Variants in BARX2 observed in about 807,000 individuals in gnomAD.
The protein encoded by BARX2 is homeobox protein BarH-like 2.
A neutral mutation model predicts 25.5 loss-of-function variants in BARX2; 11 were observed. The ratio of observed to expected loss-of-function variants is 0.43; its 90% CI spans 0.27 to 0.71. The LOEUF is 0.71. Ranked by LOEUF, BARX2 falls within the 30% of genes least tolerant of loss-of-function variation. BARX2 has a pLI of 0.19. For missense variants in BARX2, 360 were observed against 359.9 expected, an observed-to-expected ratio of 1.00 and a Z score of 0.00; for synonymous variants, 137 against 149.5, an observed-to-expected ratio of 0.92 and a Z score of 0.61.
chr11:129,421,032 C>T (rs951971989), intron 1 of BARX2, among the ~76,000 whole-genome samples: 4 of 152,130 alleles, frequency 2.6e-5, no homozygotes, highest in Non-Finnish European at 2.9e-5. Context: ...ACGGGGTTGT[C>T]AAGGCCAGAG....
At position 129,436,005 on chromosome 11, in the gene BARX2, T is replaced by C. The variant is rs1040658286; in HGVS notation, c.188-746T>C. Among the ~76,000 whole-genome samples the C allele has an allele frequency of 1.3e-5, 2 of 152,192 alleles. No homozygotes were observed. The highest frequency in any genetic ancestry group is 2.9e-5 in the Non-Finnish European group (2 of 68,034). On this transcript the variant is annotated intron_variant, in intron 1 of 3. Transcript: ENST00000281437. The surrounding 1 kb of genome is among the most constrained non-coding windows in gnomAD (Gnocchi z 4.5). Reference sequence around the variant, plus strand: ...AGCCTGAGAATCCTCCTTAACATAGTGCTGGAGGCGCCAGTCATACCGATC... The same window carrying C: ...AGCCTGAGAATCCTCCTTAACATAGCGCTGGAGGCGCCAGTCATACCGATC...
At chr11:129,414,026 A>C in intron 1 of BARX2, among the ~76,000 whole-genome samples, 1 of 151,714 alleles carries the variant, frequency 6.6e-6, no homozygotes, top group Non-Finnish European at 1.5e-5. Flanking sequence ...AGATCGCGCC[A>C]CTGCACTCCA....
Position 129,376,707 on chromosome 11 carries a change from A to G in BARX2, c.187+485A>G, listed in dbSNP as rs1472532020. On this transcript the variant is annotated intron_variant, in intron 1 of 3. Coordinates refer to ENST00000281437, the MANE Select transcript of BARX2 (RefSeq NM_003658.5). The surrounding 1 kb of genome is among the most constrained non-coding windows in gnomAD (Gnocchi z 4.2). ...TCTCAACAAAATCTCGAATTCACTG[A>G]GCTTTGCTTACAATGATCGCCCTCT... is the stretch of plus-strand genomic sequence containing the variant. 1.3e-5 allele frequency among the ~76,000 whole-genome samples: 2 copies of G among 152,196 alleles called. No homozygotes were observed. The highest frequency in any genetic ancestry group is 2.9e-5 in the Non-Finnish European group (2 of 68,034).
intron 1 of BARX2, among the ~76,000 whole-genome samples, chr11:129,427,436 G>A (rs769804931): frequency 4.6e-5 from 7 of 152,120 alleles, no homozygotes; most frequent in African/African-American, 9.7e-5. Context: ...TATCCATGGC[G>A]TACATCTTCC....
chr11:129,431,349 T>G (rs1385324921), intron 1 of BARX2, among the ~76,000 whole-genome samples: 1 of 152,254 alleles, frequency 6.6e-6, no homozygotes, highest in Admixed American at 6.5e-5. Context: ...AGCGTTTGTT[T>G]AACTTTATAA....
At chr11:129,388,712 TA>T (rs1861639282) in intron 1 of BARX2, among the ~76,000 whole-genome samples, 1 of 152,176 alleles carries the variant, frequency 6.6e-6, no homozygotes, top group Non-Finnish European at 1.5e-5. Flanking sequence ...TCTCTATTTT[TA>T]AAAACCTTTC....
intron 1 of BARX2, among the ~76,000 whole-genome samples, chr11:129,400,478 A>C (rs1000377126): frequency 6.6e-6 from 1 of 152,214 alleles, no homozygotes; most frequent in Non-Finnish European, 1.5e-5. Context: ...CATTCTGAGA[A>C]GAGGGGAAAA....
rs183693171 is a variant in BARX2 at position 129,449,989 on chromosome 11, C to G, written c.574-1147C>G. ...TATATATATTCTGGGCAAAGGAAAC[C>G]TACCATTCAGGTGCCGTTCTGGTCC... On this transcript the variant is annotated intron_variant, in intron 3 of 3. Coordinates refer to ENST00000281437, the MANE Select transcript of BARX2 (RefSeq NM_003658.5). Among the ~76,000 whole-genome samples, 84 of 152,234 alleles carry G rather than the reference C, an allele frequency of 5.5e-4. No individual in the cohort carries two copies. The East Asian group carries it at 0.011, about 20-fold the overall frequency.
intron 3 of BARX2, among the ~76,000 whole-genome samples, chr11:129,447,041 C>T (rs375672680): frequency 9.2e-5 from 14 of 152,280 alleles, no homozygotes; most frequent in South Asian, 2.1e-4. Flanking sequence ...ACATATCCCT[C>T]GCGCATTATG....
intron 1 of BARX2, among the ~76,000 whole-genome samples, chr11:129,400,406 G>A (rs560561957): frequency 6.6e-6 from 1 of 152,256 alleles, no homozygotes; most frequent in African/African-American, 2.4e-5. Context: ...AACCTAAGCT[G>A]AATCTTAAAG....
chr11:129,433,384 C>T (rs1000009695), intron 1 of BARX2, among the ~76,000 whole-genome samples: 3 of 152,216 alleles, frequency 2.0e-5, no homozygotes, highest in Non-Finnish European at 4.4e-5. Context: ...TGCAGTCCAA[C>T]CTCCTTAGGG....
At position 129,376,468 on chromosome 11, in the gene BARX2, T is replaced by G. The variant is rs1180753047; in HGVS notation, c.187+246T>G. 1.3e-5 allele frequency among the ~76,000 whole-genome samples: 2 copies of G among 152,240 alleles called. No homozygotes were observed. The highest frequency in any genetic ancestry group is 4.8e-5 in the African/African-American group (2 of 41,480). On this transcript the variant is annotated intron_variant, in intron 1 of 3. Transcript: ENST00000281437. This position sits in a 1 kb window ranked among gnomAD's most constrained non-coding sequence, Gnocchi z 4.2. ...AGGAGTGGGCTGCTCGCGCAACGCC[T>G]GATTGTCCTGCTCGGAGGAGAACGC...
intron 1 of BARX2, among the ~76,000 whole-genome samples, chr11:129,434,756 G>A (rs1862169957): frequency 6.6e-6 from 1 of 152,188 alleles, no homozygotes; most frequent in South Asian, 2.1e-4. Context: ...TGACTTGGTA[G>A]ATACTGCTTA....
At chr11:129,420,757 G>A (rs893428714) in intron 1 of BARX2, among the ~76,000 whole-genome samples, 3 of 152,178 alleles carry the variant, frequency 2.0e-5, no homozygotes, top group African/African-American at 7.2e-5. Flanking sequence ...CTTTGCACAC[G>A]TATTCAACTA....
At position 129,376,022 on chromosome 11, in the gene BARX2, C is replaced by G. The variant is rs763615477; in HGVS notation, c.-14C>G. The G allele has an allele frequency of 2.0e-6, 3 of 1,472,904 alleles. No homozygotes were observed. The highest frequency in any genetic ancestry group is 2.7e-5 in the South Asian group (2 of 72,936). 91.2% of individuals were successfully genotyped at this position (1,472,904 alleles called of 1,614,324 possible). On this transcript the variant is annotated 5_prime_UTR_variant, in exon 1 of 4. Coordinates refer to ENST00000281437, the MANE Select transcript of BARX2 (RefSeq NM_003658.5). This position sits in a 1 kb window ranked among gnomAD's most constrained non-coding sequence, Gnocchi z 4.2. ...AGCCGCGCTCGGGCCGGCGGACGCT[C>G]GCGCCGGCTCACCATGCACTGCCAC...
intron 1 of BARX2, among the ~76,000 whole-genome samples, chr11:129,395,696 G>A (rs1156953335): frequency 6.6e-6 from 1 of 152,110 alleles, no homozygotes; most frequent in Non-Finnish European, 1.5e-5. Flanking sequence ...GCATTTGCCT[G>A]GGGGTGGGTT....
Position 129,436,662 on chromosome 11 carries a change from A to G in BARX2, c.188-89A>G, listed in dbSNP as rs761742448. Reference sequence around the variant, plus strand: ...TTAAGAGCAGGGCCCTCCCTGTCAGACAGACCTCAGCCAGCGGCCCTCCGC... The same window carrying G: ...TTAAGAGCAGGGCCCTCCCTGTCAGGCAGACCTCAGCCAGCGGCCCTCCGC... On this transcript the variant is annotated intron_variant, in intron 1 of 3. Transcript: ENST00000281437. The surrounding 1 kb of genome is among the most constrained non-coding windows in gnomAD (Gnocchi z 4.5). 16 of 1,410,776 alleles carry G rather than the reference A, an allele frequency of 1.1e-5. No homozygotes were observed. Among genetic ancestry groups the G allele is most frequent in the African/African-American group, 1.4e-5 (1 of 69,640 alleles). 87.4% of individuals were successfully genotyped at this position (1,410,776 alleles called of 1,614,324 possible).
At position 129,450,684 on chromosome 11, in the gene BARX2, G is replaced by A. The variant is rs899942290; in HGVS notation, c.574-452G>A. Among the ~76,000 whole-genome samples the A allele has an allele frequency of 3.9e-5, 6 of 152,106 alleles. No individual in the cohort carries two copies. The East Asian group carries it at 1.2e-3, about 29-fold the overall frequency. On this transcript the variant is annotated intron_variant, in intron 3 of 3. Transcript: ENST00000281437. ...AGAATTTAGCCTAAGGACTTTCTGT[G>A]TCAAAAAGCCATGCACATTTTAAGG...
chr11:129,420,847 T>A (rs1299727159), intron 1 of BARX2, among the ~76,000 whole-genome samples: 1 of 152,202 alleles, frequency 6.6e-6, no homozygotes, highest in Admixed American at 6.5e-5. Context: ...AAACTTTAAA[T>A]GTGGTTGAGA....
Sources: allele counts gnomAD v4.1 joint callset (sites outside exome capture counted in the v4.1 genomes callset), GRCh38; gene constraint gnomAD v4.1.1; non-coding constraint Gnocchi (gnomAD v3.1); transcripts MANE v1.5; gene names NCBI Gene and HGNC (gene_info 2026-07-23, HGNC 2026-07-21).